SRCIN1: variants seen among roughly 807,000 people sequenced by gnomAD.
SRCIN1 encodes the protein P130Cas-associated protein.
A neutral mutation model predicts 116.2 loss-of-function variants in SRCIN1; 50 were observed. The observed-to-expected ratio is 0.43, with a 90% CI of 0.34 to 0.54. The LOEUF (loss-of-function observed/expected upper bound fraction) is 0.54. Ranked by LOEUF, SRCIN1 falls within the 20% of genes least tolerant of loss-of-function variation. The pLI, the probability that SRCIN1 is intolerant of heterozygous loss-of-function variation, is 0.02. For missense variants in SRCIN1, 1,446 were observed against 1,672.0 expected (o/e 0.86, Z 2.36); for synonymous variants, 736 against 750.0 (o/e 0.98, Z 0.30).
rs1357755610 is a variant in SRCIN1, at chr17:38,552,512, G to C, written c.2415C>G (p.Pro805=). ...GCTTGAGGAGCCCATCCAGGCGCTG[G>C]GGCTCCTCCTTCAGGAACTTCACCG... is the stretch of plus-strand genomic sequence containing the variant. ...VEAVKFLKEE[P]QRLDGLLKRC... Residue 805 remains proline (P), a synonymous_variant, in exon 13 of 19, where the codon CCC becomes CCG. Transcript: ENST00000617146. The surrounding 1 kb of genome is among the most constrained non-coding windows in gnomAD (Gnocchi z 5.3). The C allele has an allele frequency of 1.9e-6, 3 of 1,605,142 alleles. No individual in the cohort carries two copies. Among genetic ancestry groups the C allele is most frequent in the Non-Finnish European group, 2.6e-6 (3 of 1,176,172 alleles).
chr17:38,557,050 G>A, intron 11 of SRCIN1, among the ~76,000 whole-genome samples: 1 of 152,178 alleles, frequency 6.6e-6, no homozygotes, highest in East Asian at 1.9e-4. Flanking sequence ...AGATCTGGCT[G>A]GAGTCCTCAC....
rs1383090878 is a variant in SRCIN1, at chr17:38,552,906, C to T, written c.2202-51G>A. ...GCCCTTTTGGCCTGAGATGCCAGCC[C>T]AGCCCCCTGAAATTGGGCAACTGGA... On this transcript the variant is annotated intron_variant, in intron 11 of 18. Coordinates refer to ENST00000617146, the MANE Select transcript of SRCIN1 (RefSeq NM_025248.3). The surrounding 1 kb of genome is among the most constrained non-coding windows in gnomAD (Gnocchi z 5.3). The T allele has an allele frequency of 9.6e-6, 15 of 1,568,398 alleles. No individual in the cohort carries two copies. Among genetic ancestry groups the T allele is most frequent in the Non-Finnish European group, 1.3e-5 (15 of 1,157,416 alleles).
intron 17 of SRCIN1, among the ~76,000 whole-genome samples, chr17:38,545,678 A>T (rs902059542): frequency 6.6e-6 from 1 of 152,174 alleles, no homozygotes; most frequent in Non-Finnish European, 1.5e-5. Flanking sequence ...ACTTGCCAGT[A>T]AAGGTGCCGG....
intron 14 of SRCIN1, 93 bp from the exon 15 acceptor site, chr17:38,551,482 G>C: frequency 8.9e-7 from 1 of 1,122,608 alleles, no homozygotes; most frequent in South Asian, 1.6e-5. Flanking sequence ...CGTAGGCAAG[G>C]AATAGAAAAC....
At chr17:38,575,354 A>G (rs147925173) in intron 2 of SRCIN1, among the ~76,000 whole-genome samples, 338 of 152,228 alleles carry the variant, frequency 2.2e-3, no homozygotes, top group African/African-American at 7.9e-3. Context: ...GGCTCAAGTG[A>G]TCCACCCACC....
intron 11 of SRCIN1, among the ~76,000 whole-genome samples, chr17:38,557,770 AGAGATC>A (rs1905902304): frequency 6.6e-6 from 1 of 152,220 alleles, no homozygotes; most frequent in Non-Finnish European, 1.5e-5. Context: ...ATCTGGACTC[AGAGATC>A]AGGGAATCGG....
chr17:38,547,716 C>A (rs2143059090), intron 17 of SRCIN1: 2 of 301,546 alleles, frequency 6.6e-6, no homozygotes, highest in South Asian at 2.5e-5. Context: ...TGTGGGGGCA[C>A]AGGCAGAGAG....
At chr17:38,560,312 G>T in intron 8 of SRCIN1, 21 bp downstream of exon 8, 1 of 1,596,870 alleles carries the variant, frequency 6.3e-7, no homozygotes, top group South Asian at 1.1e-5. Context: ...CCTGGCAGTG[G>T]TGTTGGGAGA....
intron 1 of SRCIN1, among the ~76,000 whole-genome samples, chr17:38,587,197 C>A (rs567785769): frequency 5.3e-5 from 8 of 152,138 alleles, no homozygotes; most frequent in Non-Finnish European, 1.0e-4. Flanking sequence ...GTGAGGAGGC[C>A]CACCCACCAC....
intron 18 of SRCIN1, among the ~76,000 whole-genome samples, chr17:38,535,437 C>T (rs1198146626): frequency 6.6e-6 from 1 of 152,114 alleles, no homozygotes; most frequent in Non-Finnish European, 1.5e-5. Context: ...AAACTCCCCA[C>T]CTCAGGTGAT....
intron 1 of SRCIN1, among the ~76,000 whole-genome samples, chr17:38,603,120 T>C (rs1449179732): frequency 6.6e-6 from 1 of 151,812 alleles, no homozygotes; most frequent in East Asian, 1.9e-4. Flanking sequence ...AAAGAAGGAA[T>C]CAATGGTTCT....
Position 38,602,342 on chromosome 17 carries a change from T to C in SRCIN1, c.22+3342A>G, listed in dbSNP as rs1237983454. The stretch of plus-strand genomic sequence containing the variant: ...CCCGCTGACGGCCAGATTTTTATTA[T>C]CTTTGCTCGAATGGGCCCTAGGAAG... On this transcript the variant is annotated intron_variant, in intron 1 of 18. Transcript: ENST00000617146. This position sits in a 1 kb window ranked among gnomAD's most constrained non-coding sequence, Gnocchi z 4.2. 1 of 152,236 alleles carries C rather than the reference T, an allele frequency of 6.6e-6. No individual in the cohort carries two copies. The highest frequency in any genetic ancestry group is 1.9e-4 in the East Asian group (1 of 5,190). 9.4% of individuals were successfully genotyped at this position (152,236 alleles called of 1,614,324 possible). A position where few individuals can be genotyped will look rare whatever the true frequency, so the allele number is the denominator to read the frequency against.
chr17:38,583,315 T>C (rs978622325), intron 1 of SRCIN1, among the ~76,000 whole-genome samples: 11 of 152,022 alleles, frequency 7.2e-5, no homozygotes, highest in Admixed American at 2.6e-4. Context: ...GCTCAAGCGA[T>C]CCACCCACCT....
chr17:38,545,565 G>A (rs1905026693), intron 17 of SRCIN1: 2 of 152,502 alleles, frequency 1.3e-5, no homozygotes, highest in Non-Finnish European at 2.9e-5. Context: ...TTTACAGATG[G>A]GAAAACTGAG....
intron 1 of SRCIN1, among the ~76,000 whole-genome samples, chr17:38,603,154 G>A (rs1166603896): frequency 1.3e-5 from 2 of 152,074 alleles, no homozygotes; most frequent in African/African-American, 4.8e-5. Flanking sequence ...TTCCAGGGTG[G>A]GTCCCTGGCG....
At position 38,530,046 on chromosome 17, in the gene SRCIN1, A is replaced by C. The variant is rs375102514; in HGVS notation, c.*3251T>G. The C allele has an allele frequency of 1.0e-4, 16 of 152,402 alleles. No individual in the cohort carries two copies. The East Asian group carries it at 1.3e-3, about 13-fold the overall frequency. 9.4% of individuals were successfully genotyped at this position (152,402 alleles called of 1,614,324 possible). On this transcript the variant is annotated 3_prime_UTR_variant, in exon 19 of 19. Coordinates refer to ENST00000617146, the MANE Select transcript of SRCIN1 (RefSeq NM_025248.3). ...AGATCCAGGAGAGGAAAAAGAAACA[A>C]GTTTTATTAAAGCCCCAAACACTTG...
At chr17:38,580,580 A>G (rs1907732307) in intron 1 of SRCIN1, among the ~76,000 whole-genome samples, 1 of 152,210 alleles carries the variant, frequency 6.6e-6, no homozygotes, top group Non-Finnish European at 1.5e-5. Flanking sequence ...AAGAGGCCTG[A>G]TTTGATCTCA....
At chr17:38,565,367 A>G (rs1906614927) in intron 3 of SRCIN1, among the ~76,000 whole-genome samples, 1 of 152,228 alleles carries the variant, frequency 6.6e-6, no homozygotes, top group Non-Finnish European at 1.5e-5. Flanking sequence ...TATGTATTAC[A>G]TATACATATA....
intron 1 of SRCIN1, among the ~76,000 whole-genome samples, chr17:38,596,338 G>A (rs1033064576): frequency 1.1e-4 from 17 of 152,174 alleles, no homozygotes; most frequent in African/African-American, 4.1e-4. Flanking sequence ...GGCCCCCCAG[G>A]GCAGACAGGA....
Sources: allele counts gnomAD v4.1 joint callset (sites outside exome capture counted in the v4.1 genomes callset), GRCh38; gene constraint gnomAD v4.1.1; non-coding constraint Gnocchi (gnomAD v3.1); transcripts MANE v1.5; gene names NCBI Gene and HGNC (gene_info 2026-07-23, HGNC 2026-07-21).